Variants in NEDD4L observed in about 807,000 individuals in gnomAD.
The protein encoded by NEDD4L is E3 ubiquitin-protein ligase NEDD4-like.
Under a neutral mutation model 148.9 loss-of-function variants are expected in NEDD4L, and 54 were observed. The ratio of observed to expected loss-of-function variants is 0.36; its 90% CI spans 0.29 to 0.45. The LOEUF is 0.45. Among genes scored for constraint, NEDD4L ranks in the 20% least tolerant of loss-of-function variants. NEDD4L has a pLI of 1.00. For synonymous variants in NEDD4L, 433 were observed against 440.7 expected (o/e 0.98, Z 0.22); for missense variants, 856 against 1,233.8 (o/e 0.69, Z 4.59).
intron 2 of NEDD4L, 35 bp downstream of exon 2, chr18:58,165,896 T>C (rs2036791883): frequency 6.5e-7 from 1 of 1,530,008 alleles, no homozygotes; most frequent in South Asian, 1.2e-5. Flanking sequence ...TGTGGACTTC[T>C]GAAAAATTGA....
At chr18:58,065,082 C>T (rs1275347191) in intron 1 of NEDD4L, among the ~76,000 whole-genome samples, 1 of 152,300 alleles carries the variant, frequency 6.6e-6, no homozygotes, top group Non-Finnish European at 1.5e-5. Context: ...ACCCCAATAC[C>T]TTATCTATAT....
chr18:58,058,821 C>T (rs1294618359), intron 1 of NEDD4L, among the ~76,000 whole-genome samples: 1 of 152,220 alleles, frequency 6.6e-6, no homozygotes, highest in Non-Finnish European at 1.5e-5. Flanking sequence ...GTTACTTCTA[C>T]TGAATACTTC....
At chr18:58,076,478 TC>T (rs1225407697) in intron 1 of NEDD4L, among the ~76,000 whole-genome samples, 1 of 152,204 alleles carries the variant, frequency 6.6e-6, no homozygotes, top group Non-Finnish European at 1.5e-5. Flanking sequence ...AGTTTTGCTT[TC>T]TTTTAGTGGA....
At chr18:58,073,560 A>C (rs2083002560) in intron 1 of NEDD4L, among the ~76,000 whole-genome samples, 1 of 152,244 alleles carries the variant, frequency 6.6e-6, no homozygotes, top group African/African-American at 2.4e-5. Context: ...AGCTCAGATA[A>C]ATGCATGGAT....
intron 4 of NEDD4L, among the ~76,000 whole-genome samples, 194 bp from the exon 5 acceptor site, chr18:58,251,807 G>A (rs2047975270): frequency 6.6e-6 from 1 of 152,050 alleles, no homozygotes; most frequent in Admixed American, 6.6e-5. Flanking sequence ...TAAATTTGGG[G>A]CAGAATAATA....
intron 1 of NEDD4L, among the ~76,000 whole-genome samples, chr18:58,082,915 T>C (rs2083546523): frequency 6.6e-6 from 1 of 152,156 alleles, no homozygotes; most frequent in Non-Finnish European, 1.5e-5. Context: ...ATTTCTGTAT[T>C]ACAAATAAGG....
At chr18:58,288,837 A>G (rs915138680) in intron 5 of NEDD4L, among the ~76,000 whole-genome samples, 1 of 152,202 alleles carries the variant, frequency 6.6e-6, no homozygotes, top group African/African-American at 2.4e-5. Context: ...AATGGTTCAT[A>G]TTTGTTCCAG....
chr18:58,393,361 C>A (rs1270396021), intron 30 of NEDD4L, among the ~76,000 whole-genome samples: 2 of 152,184 alleles, frequency 1.3e-5, no homozygotes, highest in Non-Finnish European at 2.9e-5. Context: ...GTGTGTGACC[C>A]AGGCAGTGGG....
intron 1 of NEDD4L, among the ~76,000 whole-genome samples, chr18:58,066,674 A>G (rs773772090): frequency 5.3e-5 from 8 of 152,172 alleles, no homozygotes; most frequent in Non-Finnish European, 1.2e-4. Flanking sequence ...TTTATAAAGA[A>G]AAGAGGTTTA....
chr18:58,048,672 C>T (rs926930465), intron 1 of NEDD4L, among the ~76,000 whole-genome samples: 1 of 152,118 alleles, frequency 6.6e-6, no homozygotes, highest in Non-Finnish European at 1.5e-5. Context: ...CTGCTGGGCC[C>T]GATTTGACCA....
rs150948364 is a variant in NEDD4L at position 58,175,762 on chromosome 18, C to T, written c.122+9901C>T. Among the ~76,000 whole-genome samples, 375 of 152,324 alleles carry T rather than the reference C, an allele frequency of 2.5e-3. 1 individual carries two copies. Among genetic ancestry groups the T allele is most frequent in the African/African-American group, 8.5e-3 (352 of 41,580 alleles). On this transcript the variant is annotated intron_variant, in intron 2 of 30. Coordinates refer to ENST00000400345, the MANE Select transcript of NEDD4L (RefSeq NM_001144967.3). ...ACATTAAAGGATAGTAACTCCCTCC[C>T]GCAAATATAGATAAAAACCTCTTTA...
intron 1 of NEDD4L, among the ~76,000 whole-genome samples, chr18:58,137,732 C>G (rs564401024): frequency 6.6e-6 from 1 of 152,074 alleles, no homozygotes; most frequent in Non-Finnish European, 1.5e-5. Context: ...CATACCCTGT[C>G]GCTACCACAT....
At chr18:58,255,530 T>C in intron 5 of NEDD4L, 1 of 1,231,314 alleles carries the variant, frequency 8.1e-7, no homozygotes, top group Non-Finnish European at 1.0e-6. Flanking sequence ...TGCTAACAGT[T>C]TGGCAGATGG....
At chr18:58,185,064 G>C (rs73450408) in intron 2 of NEDD4L, among the ~76,000 whole-genome samples, 1 of 152,168 alleles carries the variant, frequency 6.6e-6, no homozygotes, top group African/African-American at 2.4e-5. Flanking sequence ...CGTGCACGGC[G>C]TTAGTCATGG....
intron 13 of NEDD4L, among the ~76,000 whole-genome samples, chr18:58,340,234 C>G (rs183475254): frequency 4.6e-5 from 7 of 152,330 alleles, no homozygotes; most frequent in Admixed American, 2.0e-4. Flanking sequence ...CAGTGTTTCT[C>G]CATCCACACT....
At chr18:58,289,030 C>G (rs1162196175) in intron 5 of NEDD4L, among the ~76,000 whole-genome samples, 1 of 152,168 alleles carries the variant, frequency 6.6e-6, no homozygotes, top group Non-Finnish European at 1.5e-5. Flanking sequence ...TTAAGTGTTT[C>G]TACTGCAGTA....
At chr18:58,352,403 C>T (rs2044004831) in intron 18 of NEDD4L, among the ~76,000 whole-genome samples, 1 of 151,992 alleles carries the variant, frequency 6.6e-6, no homozygotes, top group South Asian at 2.1e-4. Context: ...ACCTGTAATC[C>T]CAGCACTTTG....
At chr18:58,324,702 G>C (rs886337472) in intron 8 of NEDD4L, among the ~76,000 whole-genome samples, 5 of 152,226 alleles carry the variant, frequency 3.3e-5, no homozygotes, top group African/African-American at 1.2e-4. Flanking sequence ...TGTGACTTAA[G>C]TAGTGTCACC....
intron 2 of NEDD4L, among the ~76,000 whole-genome samples, chr18:58,187,424 G>A (rs2039596953): frequency 6.6e-6 from 1 of 152,174 alleles, no homozygotes. Flanking sequence ...GGGGAAGAAG[G>A]AGTAAGAAGG....
Sources: allele counts gnomAD v4.1 joint callset (sites outside exome capture counted in the v4.1 genomes callset), GRCh38; gene constraint gnomAD v4.1.1; transcripts MANE v1.5; gene names NCBI Gene and HGNC (gene_info 2026-07-23, HGNC 2026-07-21).